The following EPC1 variants were observed in gnomAD, a reference collection of about 807,000 sequenced individuals.
The protein encoded by EPC1 is enhancer of polycomb 1.
Under a neutral mutation model 98.4 loss-of-function variants are expected in EPC1, and 12 were observed. That is an observed-to-expected ratio of 0.12 (90% confidence interval 0.08 to 0.20). The LOEUF (loss-of-function observed/expected upper bound fraction) is 0.20. Among genes scored for constraint, EPC1 ranks in the 10% least tolerant of loss-of-function variants. The probability of loss-of-function intolerance (pLI) is 1.00; values close to 1 mark genes in which losing one functional copy is unlikely to be tolerated. For missense variants in EPC1, 729 were observed against 990.5 expected, an observed-to-expected ratio of 0.74 and a Z score of 3.54; for synonymous variants, 357 against 363.9, an observed-to-expected ratio of 0.98 and a Z score of 0.21.
intron 1 of EPC1, among the ~76,000 whole-genome samples, chr10:32,316,462 C>T (rs1836552928): frequency 6.6e-6 from 1 of 152,106 alleles, no homozygotes; most frequent in African/African-American, 2.4e-5. Context: ...TGTGGTAAAG[C>T]CATACAGCAG....
At chr10:32,330,507 C>T (rs1307753788) in intron 1 of EPC1, among the ~76,000 whole-genome samples, 3 of 152,114 alleles carry the variant, frequency 2.0e-5, no homozygotes, top group African/African-American at 7.2e-5. Context: ...TTAGAAGACA[C>T]ACATGTATTA....
At chr10:32,346,158 G>A (rs1185692471) in intron 1 of EPC1, among the ~76,000 whole-genome samples, 7 of 152,254 alleles carry the variant, frequency 4.6e-5, no homozygotes, top group Non-Finnish European at 8.8e-5. Flanking sequence ...CCTTGCAGAG[G>A]GGGAGAAAAG....
At chr10:32,290,986 AG>A (rs1362203298) in intron 6 of EPC1, among the ~76,000 whole-genome samples, 176 bp downstream of exon 6, 7 of 152,154 alleles carry the variant, frequency 4.6e-5, no homozygotes, top group African/African-American at 1.7e-4. Flanking sequence ...CATGTTGGTC[AG>A]GCTGGTCCCG....
At chr10:32,372,873 A>C (rs1375533891) in intron 1 of EPC1, among the ~76,000 whole-genome samples, 1 of 152,136 alleles carries the variant, frequency 6.6e-6, no homozygotes, top group Non-Finnish European at 1.5e-5. Context: ...ATACAAAAAA[A>C]ATTAGCTGGG....
At chr10:32,342,212 C>A (rs1337200227) in intron 1 of EPC1, among the ~76,000 whole-genome samples, 4 of 152,194 alleles carry the variant, frequency 2.6e-5, no homozygotes, top group African/African-American at 9.7e-5. Flanking sequence ...TTTCTCTTCA[C>A]TTCCAAGAGA....
rs185907927 is a variant in EPC1, at chr10:32,294,551, G to A, written c.314-814C>T. Among the ~76,000 whole-genome samples, 394 of 152,304 alleles carry A rather than the reference G, an allele frequency of 2.6e-3. 1 individual carries two copies. The highest frequency in any genetic ancestry group is 4.5e-3 in the Non-Finnish European group (303 of 68,030). ...AACTGCGGAGCATTTCAGATTTTGA[G>A]TTTTCAGCAGCTGTCACTCGGTGAG... is the stretch of plus-strand genomic sequence containing the variant. On this transcript the variant is annotated intron_variant, in intron 2 of 13. Transcript: ENST00000319778.
At chr10:32,299,170 T>C (rs537350135) in intron 2 of EPC1, among the ~76,000 whole-genome samples, 2 of 152,282 alleles carry the variant, frequency 1.3e-5, no homozygotes, top group South Asian at 4.1e-4. Context: ...TACATTATAT[T>C]CATAATGGCT....
intron 10 of EPC1, among the ~76,000 whole-genome samples, chr10:32,276,237 G>A (rs1592534222): frequency 1.3e-5 from 2 of 152,208 alleles, no homozygotes; most frequent in South Asian, 2.1e-4. Flanking sequence ...CAGGCTGGGC[G>A]CAGTGGCATA....
intron 10 of EPC1, among the ~76,000 whole-genome samples, chr10:32,280,607 C>T (rs775237313): frequency 1.6e-4 from 25 of 151,978 alleles, no homozygotes; most frequent in Non-Finnish European, 2.2e-4. Flanking sequence ...GGCATGGTGG[C>T]GGGTGCCTGT....
At chr10:32,338,512 G>C (rs1256563749) in intron 1 of EPC1, among the ~76,000 whole-genome samples, 2 of 152,084 alleles carry the variant, frequency 1.3e-5, no homozygotes, top group Non-Finnish European at 2.9e-5. Flanking sequence ...TCTCATGGTA[G>C]CCTAACAATC....
At chr10:32,340,472 A>C (rs1838270622) in intron 1 of EPC1, among the ~76,000 whole-genome samples, 1 of 152,200 alleles carries the variant, frequency 6.6e-6, no homozygotes. Context: ...AATACACCTA[A>C]TCAAGAAAGA....
rs1030553974 is a variant in EPC1, at chr10:32,345,456, A to G, written c.153+1307T>C. ...TAAAAATTCTTACAGTACCAAGAGAAGTATTACAGTACAATTTTCCACAAC... is the reference window on the plus strand; with the variant it reads ...TAAAAATTCTTACAGTACCAAGAGAGGTATTACAGTACAATTTTCCACAAC... On this transcript the variant is annotated intron_variant, in intron 1 of 13. Transcript: ENST00000319778. 4 of 985,258 alleles carry G rather than the reference A, an allele frequency of 4.1e-6. No homozygotes were observed. The African/African-American group carries it at 7.0e-5, about 17-fold the overall frequency. The allele number at this position is 985,258 out of a possible 1,614,324, so 61.0% of individuals were successfully genotyped here. A position where few individuals can be genotyped will look rare whatever the true frequency, so the allele number is the denominator to read the frequency against.
rs1362033907 is a variant in EPC1, at chr10:32,271,002, T to C, written c.2369+552A>G. On this transcript the variant is annotated intron_variant, in intron 13 of 13. Coordinates refer to ENST00000319778, the MANE Select transcript of EPC1 (RefSeq NM_001272004.3). The stretch of plus-strand genomic sequence containing the variant: ...GAAAACTGAGAGCATTATACGCTTT[T>C]TTTTTTTTTTGAGACAGAGTTTAGC... Among the ~76,000 whole-genome samples, 504 of 151,372 alleles carry C rather than the reference T, an allele frequency of 3.3e-3. 4 individuals carry two copies. The highest frequency in any genetic ancestry group is 0.012 in the African/African-American group (493 of 41,398).
chr10:32,334,955 G>T (rs1399160659), intron 1 of EPC1, among the ~76,000 whole-genome samples: 1 of 152,040 alleles, frequency 6.6e-6, no homozygotes, highest in African/African-American at 2.4e-5. Context: ...ACCCTTAAAG[G>T]TCCATTTTCT....
At chr10:32,292,420 T>A (rs1280246255) in intron 5 of EPC1, 76 bp downstream of exon 5, 4 of 1,067,696 alleles carry the variant, frequency 3.7e-6, no homozygotes, top group Admixed American at 2.8e-5. Flanking sequence ...GATTATTGCA[T>A]AGGAAATAAA....
Position 32,284,940 on chromosome 10 carries a change from G to A in EPC1, c.1502C>T (p.Ser501Leu). The change falls in exon 10 of 14, where the codon TCA (serine) becomes TTA (leucine). Residue 501 changes from serine to leucine, a missense_variant. By Grantham distance (145) the Ser-to-Leu change is moderately radical. Coordinates refer to ENST00000319778, the MANE Select transcript of EPC1 (RefSeq NM_001272004.3). ...HSPVNQFANT[S>L]ETNTSDKSFS... is the part of the protein sequence containing the mutation. ...AGATTTGTCCGAGGTATTTGTTTCT[G>A]AGGTATTGGCAAACTGATTGACTGG... 1 of 1,614,170 alleles carries A rather than the reference G, an allele frequency of 6.2e-7. No individual in the cohort carries two copies. The highest frequency in any genetic ancestry group is 8.5e-7 in the Non-Finnish European group (1 of 1,180,024).
chr10:32,281,667 AT>A (rs1836415983), intron 10 of EPC1: 1 of 123,810 alleles, frequency 8.1e-6, no homozygotes, highest in African/African-American at 3.1e-5. Context: ...GAGCTGCTAC[AT>A]TTTCTCTTTT....
intron 1 of EPC1, among the ~76,000 whole-genome samples, chr10:32,372,932 G>A (rs954943436): frequency 3.3e-5 from 5 of 152,238 alleles, no homozygotes; most frequent in Non-Finnish European, 5.9e-5. Context: ...GCTGAGGCAG[G>A]AGAATTGCTT....
At chr10:32,298,074 G>C (rs1835281309) in intron 2 of EPC1, among the ~76,000 whole-genome samples, 2 of 152,164 alleles carry the variant, frequency 1.3e-5, no homozygotes, top group Admixed American at 6.5e-5. Flanking sequence ...TGGGATTACA[G>C]GCGTGAGCCA....
Sources: allele counts gnomAD v4.1 joint callset (sites outside exome capture counted in the v4.1 genomes callset), GRCh38; gene constraint gnomAD v4.1.1; transcripts MANE v1.5; gene names NCBI Gene and HGNC (gene_info 2026-07-23, HGNC 2026-07-21).